The following SMAP1 variants were observed in gnomAD, a reference collection of about 807,000 sequenced individuals.
SMAP1 encodes the protein small ArfGAP 1.
A neutral mutation model predicts 58.5 loss-of-function variants in SMAP1; 24 were observed. That is an observed-to-expected ratio of 0.41 (90% CI 0.30 to 0.58). The LOEUF (loss-of-function observed/expected upper bound fraction) is 0.58, where lower values mean the gene tolerates loss of function less well. Ranked by LOEUF, SMAP1 falls within the 20% of genes least tolerant of loss-of-function variation. The pLI is 0.29. For synonymous variants in SMAP1, 216 were observed against 196.6 expected (o/e 1.10, Z -0.82); for missense variants, 563 against 566.3 (o/e 0.99, Z 0.06).
At chr6:70,694,556 A>G (rs1258274433) in intron 1 of SMAP1, 3 of 152,732 alleles carry the variant, frequency 2.0e-5, no homozygotes, top group Non-Finnish European at 4.4e-5. Context: ...ATGAAGCGAC[A>G]CAATGAAGTG....
intron 1 of SMAP1, among the ~76,000 whole-genome samples, chr6:70,690,855 C>T (rs534233344): frequency 6.6e-6 from 1 of 151,598 alleles, no homozygotes; most frequent in Non-Finnish European, 1.5e-5. Flanking sequence ...TCCTCCTCCC[C>T]CTTCCCCCCT....
intron 1 of SMAP1, among the ~76,000 whole-genome samples, chr6:70,691,844 C>T (rs1272892218): frequency 2.0e-5 from 3 of 152,142 alleles, no homozygotes; most frequent in Non-Finnish European, 4.4e-5. Context: ...ACCACGTTGT[C>T]TTTATCCATT....
intron 1 of SMAP1, among the ~76,000 whole-genome samples, chr6:70,717,594 GT>G (rs1279577674): frequency 2.0e-5 from 3 of 152,198 alleles, no homozygotes; most frequent in African/African-American, 7.2e-5. Flanking sequence ...CTGTCGGCCA[GT>G]TTCTGGCTTT....
At chr6:70,696,799 T>TA (rs1767423768) in intron 1 of SMAP1, among the ~76,000 whole-genome samples, 1 of 152,224 alleles carries the variant, frequency 6.6e-6, no homozygotes, top group African/African-American at 2.4e-5. Flanking sequence ...GTTTCTTTGT[T>TA]AATTTTCTGT....
Position 70,856,936 on chromosome 6 carries a change from T to G in SMAP1, c.867T>G (p.Thr289=), listed in dbSNP as rs921143385. The change falls in exon 9 of 11, where the codon ACT becomes ACG. Residue 289 remains threonine (T), a synonymous_variant. Transcript: ENST00000370455. ...ATCTAGATTTATTCACTGAGCAAAC[T>G]ACAAAATCAGAAGAAGTGGCAAAGA... ...SGDLDLFTEQ[T]TKSEEVAKKQ... 3 of 1,614,016 alleles carry G rather than the reference T, an allele frequency of 1.9e-6. No homozygotes were observed. Among genetic ancestry groups the G allele is most frequent in the Middle Eastern group, 3.3e-4 (2 of 6,062 alleles).
At chr6:70,759,621 G>A (rs1766664006) in intron 3 of SMAP1, among the ~76,000 whole-genome samples, 1 of 152,036 alleles carries the variant, frequency 6.6e-6, no homozygotes, top group Non-Finnish European at 1.5e-5. Context: ...GTGTAGGTTG[G>A]TAGGAATACT....
At chr6:70,859,614 T>TAAGA (rs1771613544) in intron 10 of SMAP1, 2 of 387,728 alleles carry the variant, frequency 5.2e-6, no homozygotes, top group South Asian at 5.8e-5. Flanking sequence ...ATTTTGGAAG[T>TAAGA]AAGAGAATCA....
intron 10 of SMAP1, chr6:70,859,679 A>G (rs1771617453): frequency 8.2e-6 from 2 of 242,786 alleles, no homozygotes; most frequent in East Asian, 1.7e-4. Flanking sequence ...GAAGAAAAAT[A>G]CATGTAATCT....
At chr6:70,860,042 C>T in intron 10 of SMAP1, 158 bp from the exon 11 acceptor site, 2 of 698,248 alleles carry the variant, frequency 2.9e-6, no homozygotes, top group South Asian at 6.5e-5. Flanking sequence ...AACAAAGTAG[C>T]TATTTGCTTT....
chr6:70,668,809 A>G, intron 1 of SMAP1: 5 of 1,395,006 alleles, frequency 3.6e-6, no homozygotes, highest in Non-Finnish European at 4.8e-6. Context: ...CAGAATGAAG[A>G]GGAATTTCAT....
chr6:70,725,207 C>G (rs1460495237), intron 1 of SMAP1, among the ~76,000 whole-genome samples: 1 of 141,910 alleles, frequency 7.0e-6, no homozygotes, highest in East Asian at 2.2e-4. Flanking sequence ...AGCTCTGCCT[C>G]CCGGGTTCAC....
intron 3 of SMAP1, among the ~76,000 whole-genome samples, chr6:70,768,991 C>A (rs1767138482): frequency 6.6e-6 from 1 of 151,956 alleles, no homozygotes; most frequent in Non-Finnish European, 1.5e-5. Context: ...TTTATTTCTG[C>A]CTTCATTTCG....
At chr6:70,837,858 C>A in intron 7 of SMAP1, 2 of 1,257,110 alleles carry the variant, frequency 1.6e-6, no homozygotes, top group South Asian at 1.4e-5. Flanking sequence ...GTACTGCTTT[C>A]CAAAAAATTG....
intron 1 of SMAP1, among the ~76,000 whole-genome samples, chr6:70,699,448 C>T (rs1767538091): frequency 1.3e-5 from 2 of 152,162 alleles, no homozygotes; most frequent in Admixed American, 1.3e-4. Context: ...CTTCAGTCAG[C>T]AGGTAGTGAA....
At chr6:70,841,786 A>G (rs1770816580) in intron 7 of SMAP1, among the ~76,000 whole-genome samples, 1 of 152,224 alleles carries the variant, frequency 6.6e-6, no homozygotes, top group Non-Finnish European at 1.5e-5. Context: ...GACAGTGGTC[A>G]AGACAATGCT....
chr6:70,671,772 G>A (rs1256722528), intron 1 of SMAP1, among the ~76,000 whole-genome samples: 1 of 152,086 alleles, frequency 6.6e-6, no homozygotes, highest in African/African-American at 2.4e-5. Context: ...TGTTTTCAAA[G>A]TTCATTCATT....
chr6:70,764,774 T>C (rs924577413), intron 3 of SMAP1, among the ~76,000 whole-genome samples: 15 of 152,296 alleles, frequency 9.8e-5, no homozygotes, highest in Admixed American at 9.8e-4. Context: ...CTGCAGCCCA[T>C]GGATAAAGGA....
At position 70,668,043 on chromosome 6, in the gene SMAP1, G is replaced by C. The variant is rs1328740541; in HGVS notation, c.20G>C (p.Arg7Pro). ...GCCGAGATGGCGACGCGCTCCTGTC[G>C]GGAGAAGGCTCAGAAGCTGAACGAG... Reference protein sequence around the residue: MATRSCREKAQKLNEQH... With the variant: MATRSCPEKAQKLNEQH... The change falls in exon 1 of 11, where the codon CGG (arginine) becomes CCG (proline). Residue 7 changes from arginine (R) to proline (P), a missense_variant. Physicochemically the swap from Arg to Pro is moderately radical, Grantham distance 103. This residue lies in a region of SMAP1 where 52 missense variants were observed against 46.6 expected (regional missense o/e 1.11). Transcript: ENST00000370455. 3.1e-6 allele frequency: 5 copies of C among 1,601,664 alleles called. No individual in the cohort carries two copies. Among genetic ancestry groups the C allele is most frequent in the Non-Finnish European group, 4.3e-6 (5 of 1,175,048 alleles).
At chr6:70,859,859 A>G (rs1246033836) in intron 10 of SMAP1, 4 of 195,164 alleles carry the variant, frequency 2.0e-5, no homozygotes, top group Non-Finnish European at 3.1e-5. Context: ...AGACTATTTT[A>G]CTTCCTAAAA....
Sources: gnomAD v4.1 joint callset for allele counts (sites outside exome capture counted in the v4.1 genomes callset) on GRCh38, gnomAD v4.1.1 for gene constraint, gnomAD v4.1.1 regional missense constraint, MANE v1.5 for transcripts, NCBI Gene and HGNC (gene_info 2026-07-23, HGNC 2026-07-21) for gene names.